MALRD1: variants seen among roughly 807,000 people sequenced by gnomAD.
The protein encoded by MALRD1 is MAM and LDL-receptor class A domain-containing protein 1.
Under a neutral mutation model 242.1 loss-of-function variants are expected in MALRD1, and 247 were observed. That is an observed-to-expected ratio of 1.02 (90% CI 0.92 to 1.13). The LOEUF (loss-of-function observed/expected upper bound fraction) is 1.13, where lower values mean the gene tolerates loss of function less well. Ranked by LOEUF, MALRD1 falls within the 50% of genes most tolerant of loss-of-function variation. MALRD1 has a pLI of 0.00. For missense variants in MALRD1, 2,989 were observed against 2,533.1 expected (o/e 1.18, Z -3.86); for synonymous variants, 995 against 866.6 (o/e 1.15, Z -2.60).
Position 19,498,488 on chromosome 10 carries a change from A to C in MALRD1, c.5162A>C (p.His1721Pro). The C allele has an allele frequency of 7.1e-6, 11 of 1,549,408 alleles. No homozygotes were observed. Among genetic ancestry groups the C allele is most frequent in the Non-Finnish European group, 9.6e-6 (11 of 1,146,134 alleles). The change falls in exon 31 of 40, where the codon CAT becomes CCT. Residue 1721 changes from histidine (H) to proline (P), a missense_variant. Physicochemically the swap from His to Pro is moderately conservative, Grantham distance 77. Coordinates refer to ENST00000454679, the MANE Select transcript of MALRD1 (RefSeq NM_001142308.3). ...ATTAATGTTTTTGCTTCCCCAGCAC[A>C]TTATACAAGCACAACAGGAAGCTGC... ...SDRSDEAHCA[H>P]YTSTTGSCNF...
intron 29 of MALRD1, among the ~76,000 whole-genome samples, chr10:19,480,726 C>A (rs1412087669): frequency 2.0e-5 from 3 of 152,110 alleles, no homozygotes. Context: ...TTGCATGAGA[C>A]CATAGTGGTC....
chr10:19,528,016 C>T (rs1011538215), intron 31 of MALRD1, among the ~76,000 whole-genome samples: 6 of 152,142 alleles, frequency 3.9e-5, no homozygotes, highest in African/African-American at 1.4e-4. Flanking sequence ...GGTATATTGG[C>T]TTTGCATTCC....
chr10:19,257,677 T>G lies in MALRD1; in HGVS notation c.2992-7T>G. ...TCTTATTTTTATTTTTTATTTTATT[T>G]TTTTAGATATTGGTGGAGGCTTCAG... On this transcript the variant is annotated splice_polypyrimidine_tract_variant and splice_region_variant and intron_variant, in intron 18 of 39. Transcript: ENST00000454679. 6.6e-7 allele frequency: 1 copy of G among 1,516,708 alleles called. No individual in the cohort carries two copies. Among genetic ancestry groups the G allele is most frequent in the Non-Finnish European group, 8.9e-7 (1 of 1,124,530 alleles). 94.0% of individuals were successfully genotyped at this position (1,516,708 alleles called of 1,614,324 possible). A position where few individuals can be genotyped will look rare whatever the true frequency, so the allele number is the denominator to read the frequency against.
At chr10:19,400,722 A>G (rs1274881982) in intron 28 of MALRD1, among the ~76,000 whole-genome samples, 1 of 152,186 alleles carries the variant, frequency 6.6e-6, no homozygotes, top group Non-Finnish European at 1.5e-5. Context: ...ATTTGGAAAA[A>G]TAGAAGAAAG....
chr10:19,527,719 C>G (rs1429314381), intron 31 of MALRD1, among the ~76,000 whole-genome samples: 2 of 152,136 alleles, frequency 1.3e-5, no homozygotes, highest in African/African-American at 4.8e-5. Flanking sequence ...TTATTCACAT[C>G]CAATATAGGA....
In MALRD1 at chr10:19,387,654, T is replaced by C. The variant is rs1846142548; in HGVS notation, c.4568T>C (p.Phe1523Ser). 40 of 1,550,430 alleles carry C rather than the reference T, an allele frequency of 2.6e-5. No individual in the cohort carries two copies. The highest frequency in any genetic ancestry group is 3.5e-5 in the Non-Finnish European group (40 of 1,146,882). ...AATGAGTGTGGTAGCTCCTGTACTT[T>C]TGAAAAAGGCTGGTGTGGCTGGCAA... ...DENECGSSCT[F>S]EKGWCGWQNS... The change falls in exon 27 of 40, where the codon TTT becomes TCT. Residue 1523 changes from phenylalanine (F) to serine (S), a missense_variant. Transcript: ENST00000454679.
Position 19,352,179 on chromosome 10 carries a change from A to G in MALRD1, c.4323A>G (p.Glu1441=), listed in dbSNP as rs1358959720. ...FGDEDFQLKF[E]GRVGKGQRGD... is the part of the protein sequence containing the mutation. ...ATGAAGACTTCCAACTCAAATTTGA[A>G]GGTAGAGTTGGGAAAGGTCAGCGTG... The change falls in exon 26 of 40, where the codon GAA becomes GAG. Residue 1441 remains glutamate (E), a synonymous_variant. Transcript: ENST00000454679. 5 of 1,550,512 alleles carry G rather than the reference A, an allele frequency of 3.2e-6. No homozygotes were observed. Among genetic ancestry groups the G allele is most frequent in the Admixed American group, 2.0e-5 (1 of 50,986 alleles).
intron 36 of MALRD1, among the ~76,000 whole-genome samples, chr10:19,680,852 C>G (rs1842339448): frequency 6.6e-6 from 1 of 152,138 alleles, no homozygotes; most frequent in Admixed American, 6.6e-5. Context: ...ATTCCCTCAG[C>G]ATTTGCTTGC....
intron 31 of MALRD1, among the ~76,000 whole-genome samples, chr10:19,512,181 G>A (rs1207660418): frequency 6.6e-6 from 1 of 152,054 alleles, no homozygotes; most frequent in African/African-American, 2.4e-5. Flanking sequence ...GAAAAATGTG[G>A]TTATCATCAG....
intron 12 of MALRD1, among the ~76,000 whole-genome samples, chr10:19,155,487 T>C (rs926256418): frequency 1.3e-5 from 2 of 152,164 alleles, no homozygotes; most frequent in African/African-American, 4.8e-5. Flanking sequence ...TTGAGAAAAA[T>C]AAAGTCAGTT....
intron 21 of MALRD1, among the ~76,000 whole-genome samples, chr10:19,290,717 A>G (rs985598386): frequency 1.3e-5 from 2 of 152,174 alleles, no homozygotes; most frequent in Admixed American, 6.5e-5. Flanking sequence ...CAAAATTGTG[A>G]GTTCTCTTCA....
At chr10:19,123,731 G>A in intron 6 of MALRD1, 138 bp downstream of exon 6, 1 of 431,232 alleles carries the variant, frequency 2.3e-6, no homozygotes, top group Non-Finnish European at 3.9e-6. Context: ...TTGGGAGGCT[G>A]TGGTGGTTTA....
At chr10:19,346,471 A>G (rs1043323160) in intron 24 of MALRD1, among the ~76,000 whole-genome samples, 6 of 152,290 alleles carry the variant, frequency 3.9e-5, no homozygotes, top group Admixed American at 3.3e-4. Flanking sequence ...CTGAAGACAT[A>G]TCAACATGCT....
chr10:19,465,740 C>T (rs1234234670), intron 29 of MALRD1, among the ~76,000 whole-genome samples: 1 of 152,110 alleles, frequency 6.6e-6, no homozygotes, highest in African/African-American at 2.4e-5. Flanking sequence ...AGCCATGCTG[C>T]CCATGCTAGT....
chr10:19,048,725 G>A (rs577175724), upstream of MALRD1: 38 of 365,478 alleles, frequency 1.0e-4, no homozygotes, highest in South Asian at 1.6e-3. Context: ...AAGAACCAGC[G>A]TAATTACTCA....
chr10:19,645,591 A>G (rs1840618560), intron 36 of MALRD1, among the ~76,000 whole-genome samples: 1 of 152,184 alleles, frequency 6.6e-6, no homozygotes, highest in Non-Finnish European at 1.5e-5. Flanking sequence ...ACATGGGTGA[A>G]GCTGGAAACC....
intron 29 of MALRD1, among the ~76,000 whole-genome samples, chr10:19,452,832 A>G (rs971830855): frequency 2.6e-5 from 4 of 152,216 alleles, no homozygotes; most frequent in Admixed American, 2.0e-4. Flanking sequence ...GCACTTTATC[A>G]TAGTGGTTAA....
At chr10:19,191,306 C>G (rs750916251) in intron 14 of MALRD1, among the ~76,000 whole-genome samples, 1 of 151,936 alleles carries the variant, frequency 6.6e-6, no homozygotes. Flanking sequence ...ATAATAAAAA[C>G]CAAAAACAAA....
chr10:19,490,964 G>C (rs1181691274), intron 29 of MALRD1: 1 of 172,086 alleles, frequency 5.8e-6, no homozygotes, highest in Non-Finnish European at 1.2e-5. Context: ...ATAAAATTTA[G>C]AGTATGAAAC....
Sources: gnomAD v4.1 joint callset for allele counts (sites outside exome capture counted in the v4.1 genomes callset) on GRCh38, gnomAD v4.1.1 for gene constraint, MANE v1.5 for transcripts, NCBI Gene and HGNC (gene_info 2026-07-23, HGNC 2026-07-21) for gene names.